Variants in PCDH11X observed in about 807,000 individuals in gnomAD.
The protein encoded by PCDH11X is protocadherin-11 X-linked.
In PCDH11X, 18 loss-of-function variants were observed where a neutral mutation model predicts 53.3. That is an observed-to-expected ratio of 0.34 (90% CI 0.23 to 0.50). The LOEUF (loss-of-function observed/expected upper bound fraction) is 0.50, where lower values mean the gene tolerates loss of function less well. Ranked by LOEUF, PCDH11X falls within the 20% of genes least tolerant of loss-of-function variation. The probability of loss-of-function intolerance (pLI) is 0.98; values close to 1 mark genes in which losing one functional copy is unlikely to be tolerated. For synonymous variants in PCDH11X, 279 were observed against 393.3 expected, an observed-to-expected ratio of 0.71 and a Z score of 3.44; for missense variants, 570 against 1,032.4, an observed-to-expected ratio of 0.55 and a Z score of 6.14.
At chrX:92,510,024 T>C (rs2074135986) in intron 10 of PCDH11X, among the ~76,000 whole-genome samples, 1 of 107,728 alleles carries the variant, frequency 9.3e-6, no homozygotes, top group African/African-American at 3.3e-5. Flanking sequence ...TGTAACAATA[T>C]GTTGTCCATC....
chrX:92,419,290 CT>C (rs1203709472), intron 9 of PCDH11X, among the ~76,000 whole-genome samples: 3 of 67,176 alleles, frequency 4.5e-5, no homozygotes, highest in African/African-American at 1.7e-4. Flanking sequence ...TTTTTTTTGT[CT>C]TTTTTTTTCT....
intron 6 of PCDH11X, among the ~76,000 whole-genome samples, chrX:91,907,410 C>CAGAGAG (rs1302662059): frequency 4.6e-4 from 26 of 56,214 alleles, no homozygotes; most frequent in African/African-American, 1.0e-3. Flanking sequence ...CACACACACA[C>CAGAGAG]ACAGAGAGAG....
At chrX:91,890,158 G>T (rs1300549035) in intron 6 of PCDH11X, among the ~76,000 whole-genome samples, 1 of 109,682 alleles carries the variant, frequency 9.1e-6, no homozygotes, top group African/African-American at 3.3e-5. Context: ...TATTAAAATG[G>T]GTTAGTGTAT....
intron 5 of PCDH11X, among the ~76,000 whole-genome samples, chrX:91,849,155 T>C (rs2147654478): frequency 8.9e-6 from 1 of 112,048 alleles, no homozygotes; most frequent in South Asian, 3.7e-4. Flanking sequence ...AGATGTGGTA[T>C]AGAGTTCAGT....
intron 10 of PCDH11X, among the ~76,000 whole-genome samples, chrX:92,574,871 T>C (rs1438741513): frequency 2.7e-5 from 3 of 110,988 alleles, no homozygotes; most frequent in Non-Finnish European, 5.7e-5. Context: ...GTTTGGTTGG[T>C]AGTTTTTTTC....
chrX:91,903,822 T>G (rs1278720369), intron 6 of PCDH11X, among the ~76,000 whole-genome samples: 1 of 110,450 alleles, frequency 9.1e-6, no homozygotes, highest in African/African-American at 3.3e-5. Flanking sequence ...AACATTGAAT[T>G]AAGAACAAAA....
rs1050489213 is a variant in PCDH11X at position 92,489,322 on chromosome X, C to T, written c.3367+21000C>T. Among the ~76,000 whole-genome samples, 4 of 110,009 alleles carry T rather than the reference C, an allele frequency of 3.6e-5. No homozygotes were observed. The East Asian group carries it at 1.1e-3, about 32-fold the overall frequency. On this transcript the variant is annotated intron_variant, in intron 10 of 10. Transcript: ENST00000682573. Reference sequence around the variant, plus strand: ...TCTGGCATTATAGGTGGGTGAAAGGCGCCCACTATGAGCTCTGAGCCGAAA... The same window carrying T: ...TCTGGCATTATAGGTGGGTGAAAGGTGCCCACTATGAGCTCTGAGCCGAAA...
chrX:91,907,410 C>G (rs57665144), intron 6 of PCDH11X, among the ~76,000 whole-genome samples: 610 of 55,759 alleles, frequency 0.011, 9 homozygotes, highest in African/African-American at 0.042. Flanking sequence ...CACACACACA[C>G]ACAGAGAGAG....
intron 8 of PCDH11X, among the ~76,000 whole-genome samples, chrX:92,322,010 G>T (rs987671477): frequency 1.3e-4 from 14 of 107,523 alleles, no homozygotes; most frequent in African/African-American, 4.1e-4. Context: ...CAGCAGAAAC[G>T]TATATACTTT....
rs34788510 is a variant in PCDH11X, at chrX:92,442,777, AG to A, written c.3344-25521del. ...CTTTTATGGCTGTGTAGTATTCTAC[AG>A]TGTATACATAACACACTTCCTTTAT... On this transcript the variant is annotated intron_variant, in intron 9 of 10. Coordinates refer to ENST00000682573, the MANE Select transcript of PCDH11X (RefSeq NM_032968.5). Among the ~76,000 whole-genome samples the A allele has an allele frequency of 1.0e-4, 11 of 110,276 alleles. No individual in the cohort carries two copies. The Admixed American group carries it at 1.1e-3, about 11-fold the overall frequency.
chrX:92,142,158 A>T (rs1479992971), intron 6 of PCDH11X, among the ~76,000 whole-genome samples: 68 of 98,201 alleles, frequency 6.9e-4, no homozygotes, highest in East Asian at 6.4e-3. Context: ...TATTATTATT[A>T]TTTTTTTTTT....
At chrX:92,433,762 C>T (rs1376807369) in intron 9 of PCDH11X, among the ~76,000 whole-genome samples, 2 of 111,408 alleles carry the variant, frequency 1.8e-5, no homozygotes, top group African/African-American at 6.5e-5. Context: ...TTGAATAGTG[C>T]TTGAGGTCTT....
chrX:92,607,156 C>T (rs954756598), intron 10 of PCDH11X, among the ~76,000 whole-genome samples: 1 of 109,072 alleles, frequency 9.2e-6, no homozygotes, highest in Non-Finnish European at 1.9e-5. Context: ...ACCCAGCACA[C>T]AAACTTTTAC....
At chrX:92,114,502 T>C in intron 6 of PCDH11X, 2 of 476,623 alleles carry the variant, frequency 4.2e-6, no homozygotes, top group Non-Finnish European at 7.3e-6. Flanking sequence ...TTCTATATTG[T>C]GGCTTTGATT....
chrX:91,850,757 C>T (rs1292700192), intron 5 of PCDH11X, among the ~76,000 whole-genome samples: 4 of 110,163 alleles, frequency 3.6e-5, no homozygotes, highest in East Asian at 2.9e-4. Context: ...TGGCTGCTCA[C>T]GGATTGAAAA....
intron 6 of PCDH11X, among the ~76,000 whole-genome samples, chrX:92,027,303 C>T (rs1481666420): frequency 9.0e-6 from 1 of 111,389 alleles, no homozygotes; most frequent in African/African-American, 3.3e-5. Flanking sequence ...GGCTTATTGG[C>T]CTGTAAAAGA....
At chrX:92,069,595 CT>C (rs994745466) in intron 6 of PCDH11X, among the ~76,000 whole-genome samples, 2 of 111,016 alleles carry the variant, frequency 1.8e-5, no homozygotes, top group Non-Finnish European at 3.8e-5. Flanking sequence ...TGGTGGTATT[CT>C]TTAACTTCTT....
At chrX:92,370,394 G>A (rs984176265) in intron 8 of PCDH11X, among the ~76,000 whole-genome samples, 1 of 106,050 alleles carries the variant, frequency 9.4e-6, no homozygotes, top group Non-Finnish European at 1.9e-5. Context: ...CGCGTGATAT[G>A]TCATGTATAT....
chrX:92,302,366 T>G (rs1407720197), intron 8 of PCDH11X, among the ~76,000 whole-genome samples: 1 of 110,352 alleles, frequency 9.1e-6, no homozygotes, highest in Non-Finnish European at 1.9e-5. Flanking sequence ...GCTCTTTTTG[T>G]AGAATTTTAG....
Sources: gnomAD v4.1 joint callset for allele counts (sites outside exome capture counted in the v4.1 genomes callset) on GRCh38, gnomAD v4.1.1 for gene constraint, MANE v1.5 for transcripts, NCBI Gene and HGNC (gene_info 2026-07-23, HGNC 2026-07-21) for gene names.